LRP10: variants seen among roughly 807,000 people sequenced by gnomAD.
LRP10 encodes the protein LDL receptor related protein 10, also known as low-density lipoprotein receptor-related protein 10.
LRP10 carries 42 observed loss-of-function variants against 58.5 expected under a neutral mutation model. The observed-to-expected ratio is 0.72, with a 90% CI of 0.56 to 0.93. LRP10 has a LOEUF of 0.93. Ranked by LOEUF, LRP10 falls within the 40% of genes least tolerant of loss-of-function variation. The pLI is 0.00. For missense variants in LRP10, 872 were observed against 940.1 expected (o/e 0.93, Z 0.95); for synonymous variants, 377 against 388.5 (o/e 0.97, Z 0.35).
chr14:22,879,362 C>G lies in LRP10; in HGVS notation c.*1835C>G. 2 of 325,542 alleles carry G rather than the reference C, an allele frequency of 6.1e-6. No homozygotes were observed. Among genetic ancestry groups the G allele is most frequent in the South Asian group, 4.5e-5 (2 of 44,738 alleles). The allele number at this position is 325,542 out of a possible 1,614,324, so 20.2% of individuals were successfully genotyped here. ...AACCTGGTTCTTGCTTACTGTTCTCCCTTTGGGCCCTCCTTCCCAAACGCA... is the reference window on the plus strand; with the variant it reads ...AACCTGGTTCTTGCTTACTGTTCTCGCTTTGGGCCCTCCTTCCCAAACGCA... On this transcript the variant is annotated 3_prime_UTR_variant, in exon 7 of 7. Coordinates refer to ENST00000359591, the MANE Select transcript of LRP10 (RefSeq NM_014045.5).
In LRP10 at chr14:22,875,174, T is replaced by C; in HGVS notation, c.335T>C (p.Val112Ala). 6.2e-7 allele frequency: 1 copy of C among 1,613,506 alleles called. No homozygotes were observed. The highest frequency in any genetic ancestry group is 1.1e-5 in the South Asian group (1 of 90,950). Residue 112 changes from valine to alanine, a missense_variant, in exon 4 of 7, where the codon GTC (valine) becomes GCC (alanine). By Grantham distance (64) the Val-to-Ala change is moderately conservative (BLOSUM62 0). Transcript: ENST00000359591. ...PSPLQLPGGNVTITYSYAGAR... is the reference protein window; with the variant it reads ...PSPLQLPGGNATITYSYAGAR... ...CCTCTGCAGCTGCCCGGGGGCAACG[T>C]CACCATCACTTACAGCTATGCTGGG...
Position 22,875,849 on chromosome 14 carries a change from A to AC in LRP10, c.903dup (p.Tyr302LeufsTer28), listed in dbSNP as rs777580808. The AC allele has an allele frequency of 6.2e-7, 1 of 1,613,932 alleles. No homozygotes were observed. Among genetic ancestry groups the AC allele is most frequent in the African/African-American group, 1.3e-5 (1 of 75,052 alleles). ...GAGCAATGGTCGTGGCTTCAATGCC[A>AC]CCTACCATGTGCGGGGCTATTGCTT... On this transcript the variant is annotated frameshift_variant, in exon 5 of 7. Coordinates refer to ENST00000359591, the MANE Select transcript of LRP10 (RefSeq NM_014045.5). LOFTEE classifies it high-confidence loss of function.
Position 22,876,060 on chromosome 14 carries a change from C to A in LRP10, c.1112C>A (p.Ala371Asp), listed in dbSNP as rs781743875. Residue 371 changes from alanine (A) to aspartate (D), a missense_variant, in exon 5 of 7, where the codon GCC becomes GAC. Transcript: ENST00000359591. The stretch of plus-strand genomic sequence containing the variant: ...TGTGGGGCTGCTGGCACCTCTGGTG[C>A]CACAGCCTGCTACCTGCCTGCTGAC... ...FPCGAAGTSG[A>D]TACYLPADRC... 6.2e-7 allele frequency: 1 copy of A among 1,613,408 alleles called. No homozygotes were observed. Among genetic ancestry groups the A allele is most frequent in the South Asian group, 1.1e-5 (1 of 91,076 alleles).
chr14:22,877,783 C>CACGAGATCTA lies in LRP10; in HGVS notation c.*256_*257insACGAGATCTA. The CACGAGATCTA allele has an allele frequency of 2.5e-6, 1 of 392,384 alleles. No homozygotes were observed. The highest frequency in any genetic ancestry group is 4.5e-6 in the Non-Finnish European group (1 of 221,414). 24.3% of individuals were successfully genotyped at this position (392,384 alleles called of 1,614,324 possible). On this transcript the variant is annotated 3_prime_UTR_variant, in exon 7 of 7. Coordinates refer to ENST00000359591, the MANE Select transcript of LRP10 (RefSeq NM_014045.5). The surrounding 1 kb of genome is among the most constrained non-coding windows in gnomAD (Gnocchi z 5.1). Reference sequence around the variant, plus strand: ...CAGTCCCTTCACCACCACCTGCTCCCCACGCCACCACCATTTGGGTGGCTG... The same window carrying CACGAGATCTA: ...CAGTCCCTTCACCACCACCTGCTCCCACGAGATCTACACGCCACCACCATTTGGGTGGCTG...
rs555449943 is a variant in LRP10 at position 22,876,730 on chromosome 14, A to T, written c.1466A>T (p.Gln489Leu). The change falls in exon 6 of 7, where the codon CAG (glutamine) becomes CTG (leucine). Residue 489 changes from glutamine (Q) to leucine (L), a missense_variant. Physicochemically the swap from Gln to Leu is moderately radical, Grantham distance 113. Transcript: ENST00000359591. ...TCCCGGATGGAGGCTGAGATTGTGC[A>T]GCAGCAGGCACCCCCTTCCTACGGG... Reference protein sequence around the residue: ...PLSRMEAEIVQQQAPPSYGQL... With the variant: ...PLSRMEAEIVLQQAPPSYGQL... 1.2e-6 allele frequency: 2 copies of T among 1,614,008 alleles called. No individual in the cohort carries two copies. Among genetic ancestry groups the T allele is most frequent in the South Asian group, 2.2e-5 (2 of 91,088 alleles).
Position 22,872,312 on chromosome 14 carries a change from G to A in LRP10, c.9G>A (p.Leu3=). The A allele has an allele frequency of 1.2e-6, 2 of 1,613,948 alleles. No individual in the cohort carries two copies. Among genetic ancestry groups the A allele is most frequent in the South Asian group, 1.1e-5 (1 of 91,080 alleles). The change falls in exon 1 of 7, where the codon TTG becomes TTA. Residue 3 remains leucine (L), a synonymous_variant. Coordinates refer to ENST00000359591, the MANE Select transcript of LRP10 (RefSeq NM_014045.5). ML[L]ATLLLLLLGG... ...CCTCTGGACAGCCCAGGATGCTGTT[G>A]GCCACCCTCCTCCTCCTCCTCCTTG...
rs764950401 is a variant in LRP10 at position 22,876,044 on chromosome 14, G to T, written c.1096G>T (p.Ala366Ser). Residue 366 changes from alanine (A) to serine (S), a missense_variant, in exon 5 of 7, where the codon GCT becomes TCT. Transcript: ENST00000359591. ...ACCTGGACACTTCCCCTGTGGGGCT[G>T]CTGGCACCTCTGGTGCCACAGCCTG... ...CPPGHFPCGA[A>S]GTSGATACYL... The T allele has an allele frequency of 1.2e-6, 2 of 1,613,144 alleles. No homozygotes were observed. The highest frequency in any genetic ancestry group is 1.7e-6 in the Non-Finnish European group (2 of 1,179,802).
intron 1 of LRP10, 60 bp from the exon 2 acceptor site, chr14:22,872,678 T>G (rs765632443): frequency 3.0e-5 from 47 of 1,562,268 alleles, no homozygotes; most frequent in Non-Finnish European, 4.0e-5. Context: ...GTTGCTCAGG[T>G]GAAGAAGAAA....
chr14:22,872,209 C>A lies in LRP10; in HGVS notation c.-95C>A. The A allele has an allele frequency of 7.6e-7, 1 of 1,323,040 alleles. No homozygotes were observed. Among genetic ancestry groups the A allele is most frequent in the Non-Finnish European group, 1.1e-6 (1 of 915,656 alleles). 82.0% of individuals were successfully genotyped at this position (1,323,040 alleles called of 1,614,324 possible). A position where few individuals can be genotyped will look rare whatever the true frequency, so the allele number is the denominator to read the frequency against. ...CCATGGAGCCCCCCTGGGGAGGCGG[C>A]ACCAGGGAGCCTGGGCGCCCGGGGC... On this transcript the variant is annotated 5_prime_UTR_variant, in exon 1 of 7. Coordinates refer to ENST00000359591, the MANE Select transcript of LRP10 (RefSeq NM_014045.5).
chr14:22,872,388 G>A (rs528720728), intron 1 of LRP10, 51 bp downstream of exon 1: 1 of 1,608,336 alleles, frequency 6.2e-7, no homozygotes, highest in East Asian at 2.2e-5. Context: ...CGGGCCAGCA[G>A]CTCTAACTCC....
rs1454256150 is a variant in LRP10, at chr14:22,877,347, G to C, written c.1962G>C (p.Val654=). The C allele has an allele frequency of 1.2e-6, 2 of 1,612,914 alleles. No individual in the cohort carries two copies. Among genetic ancestry groups the C allele is most frequent in the Non-Finnish European group, 1.7e-6 (2 of 1,179,484 alleles). ...TAGAGCCATCACTATTGTCTGGAGT[G>C]GTGCAGGCCCTGCGAGGCCGCCTGT... ...LPLEPSLLSG[V]VQALRGRLLP... Residue 654 remains valine (V), a synonymous_variant, in exon 7 of 7, where the codon GTG becomes GTC. Transcript: ENST00000359591. The surrounding 1 kb of genome is among the most constrained non-coding windows in gnomAD (Gnocchi z 5.1).
chr14:22,872,460 C>G, intron 1 of LRP10, 123 bp downstream of exon 1: 1 of 1,155,404 alleles, frequency 8.7e-7, no homozygotes, highest in Non-Finnish European at 1.3e-6. Flanking sequence ...GCCGCCAGCC[C>G]CAGCACTGCC....
Position 22,879,332 on chromosome 14 carries a change from TG to T in LRP10, c.*1807del. ...TCTCCAGAGACTGGGGAGAGGGCTCTGGAGAACCTGGTTCTTGCTTACTGTT... is the reference window on the plus strand; with the variant it reads ...TCTCCAGAGACTGGGGAGAGGGCTCTGAGAACCTGGTTCTTGCTTACTGTT... On this transcript the variant is annotated 3_prime_UTR_variant, in exon 7 of 7. Transcript: ENST00000359591. The T allele has an allele frequency of 5.5e-6, 2 of 362,734 alleles. No individual in the cohort carries two copies. The highest frequency in any genetic ancestry group is 1.2e-5 in the Non-Finnish European group (2 of 171,412). The allele number at this position is 362,734 out of a possible 1,614,324, so 22.5% of individuals were successfully genotyped here.
chr14:22,874,498 T>C (rs2039982755), intron 3 of LRP10, among the ~76,000 whole-genome samples: 1 of 152,210 alleles, frequency 6.6e-6, no homozygotes, highest in Non-Finnish European at 1.5e-5. Context: ...AGTCAATTTT[T>C]CCAAAGGGCT....
chr14:22,876,854 C>T (rs1192754706), intron 6 of LRP10, 36 bp downstream of exon 6: 1 of 1,608,580 alleles, frequency 6.2e-7, no homozygotes, highest in Non-Finnish European at 8.5e-7. Context: ...ACCTCCTGGT[C>T]CCAGTTCTGC....
In LRP10 at chr14:22,876,316, G is replaced by A; in HGVS notation, c.1368G>A (p.Leu456=). The part of the protein sequence containing the change: ...VIGSLVCGLL[L]VIALGCTCKL... ...GCAGCCTAGTGTGCGGCCTGCTCCTGGTCATCGCCCTGGGCTGCACCTGCA... is the reference window on the plus strand; with the variant it reads ...GCAGCCTAGTGTGCGGCCTGCTCCTAGTCATCGCCCTGGGCTGCACCTGCA... Residue 456 remains leucine (L), a synonymous_variant, in exon 5 of 7, where the codon CTG becomes CTA. Coordinates refer to ENST00000359591, the MANE Select transcript of LRP10 (RefSeq NM_014045.5). 1 of 1,614,076 alleles carries A rather than the reference G, an allele frequency of 6.2e-7. No individual in the cohort carries two copies. Among genetic ancestry groups the A allele is most frequent in the Admixed American group, 1.7e-5 (1 of 60,022 alleles).
rs150086186 is a variant in LRP10, at chr14:22,875,413, T to C, written c.465T>C (p.Ala155=). The change falls in exon 5 of 7, where the codon GCT becomes GCC. Residue 155 remains alanine (A), a synonymous_variant. Coordinates refer to ENST00000359591, the MANE Select transcript of LRP10 (RefSeq NM_014045.5). The stretch of plus-strand genomic sequence containing the variant: ...GCCTGAACCACCGCTGTGTATCTGC[T>C]GTCCAGCGCTGTGATGGGGTTGATG... ...FQCLNHRCVS[A]VQRCDGVDAC... is the part of the protein sequence containing the mutation. The C allele has an allele frequency of 1.6e-4, 256 of 1,614,172 alleles. No individual in the cohort carries two copies. The African/African-American group carries it at 3.1e-3, about 19-fold the overall frequency.
chr14:22,877,018 C>T lies in LRP10; in HGVS notation c.1633C>T (p.Arg545Cys), dbSNP rs754414725. The T allele has an allele frequency of 7.9e-5, 128 of 1,612,130 alleles. No individual in the cohort carries two copies. The highest frequency in any genetic ancestry group is 1.0e-4 in the Non-Finnish European group (123 of 1,179,148). The stretch of plus-strand genomic sequence containing the variant: ...GACTCCAGGAGGTGGCCCAGGTGCC[C>T]GCCGTCGTCAGCGGGGCCGCTTGAT... Reference protein sequence around the residue: ...DMTPGGGPGARRRQRGRLMRR... With the variant: ...DMTPGGGPGACRRQRGRLMRR... Residue 545 changes from arginine to cysteine, a missense_variant, in exon 7 of 7, where the codon CGC (arginine) becomes TGC (cysteine). Coordinates refer to ENST00000359591, the MANE Select transcript of LRP10 (RefSeq NM_014045.5). The surrounding 1 kb of genome is among the most constrained non-coding windows in gnomAD (Gnocchi z 5.1).
chr14:22,875,291 G>T, intron 4 of LRP10, 46 bp downstream of exon 4: 1 of 1,581,450 alleles, frequency 6.3e-7, no homozygotes. Context: ...GAAAGCCCCA[G>T]GCAGAAGGGG....
Sources: gnomAD v4.1 joint callset for allele counts (sites outside exome capture counted in the v4.1 genomes callset) on GRCh38, gnomAD v4.1.1 for gene constraint, Gnocchi (gnomAD v3.1) non-coding constraint, MANE v1.5 for transcripts, NCBI Gene and HGNC (gene_info 2026-07-23, HGNC 2026-07-21) for gene names.